Variants in ADRA1B observed in about 807,000 individuals in gnomAD.
The protein encoded by ADRA1B is adrenoceptor alpha 1B, also known as alpha-1B adrenergic receptor.
In ADRA1B, 17 loss-of-function variants were observed where a neutral mutation model predicts 17.9. The ratio of observed to expected loss-of-function variants is 0.95; its 90% CI spans 0.65 to 1.42. The LOEUF is 1.42. Among genes scored for constraint, ADRA1B ranks in the 40% most tolerant of loss-of-function variants. ADRA1B has a pLI of 0.00. For missense variants in ADRA1B, 681 were observed against 722.1 expected, an observed-to-expected ratio of 0.94 and a Z score of 0.65; for synonymous variants, 366 against 327.6, an observed-to-expected ratio of 1.12 and a Z score of -1.27.
chr5:159,968,871 T>C (rs571811698), intron 1 of ADRA1B, among the ~76,000 whole-genome samples: 121 of 152,336 alleles, frequency 7.9e-4, no homozygotes, highest in African/African-American at 2.8e-3. Context: ...TGAACCACCA[T>C]GTCTGGCCCT....
chr5:159,865,545 G>A (rs569714471), intron 1 of ADRA1B, among the ~76,000 whole-genome samples: 1 of 152,338 alleles, frequency 6.6e-6, no homozygotes, highest in African/African-American at 2.4e-5. Flanking sequence ...GTGCTTCACT[G>A]TAAATGGAGA....
chr5:159,916,954 T>C lies in ADRA1B; in HGVS notation c.49T>C (p.Trp17Arg), dbSNP rs766986072. 1.9e-6 allele frequency: 3 copies of C among 1,613,944 alleles called. No individual in the cohort carries two copies. Among genetic ancestry groups the C allele is most frequent in the South Asian group, 2.2e-5 (2 of 91,080 alleles). ...CCACAACACATCAGCACCTGCCCACTGGGGAGAGTTGAAAAATGCCAACTT... is the reference window on the plus strand; with the variant it reads ...CCACAACACATCAGCACCTGCCCACCGGGGAGAGTTGAAAAATGCCAACTT... Reference protein sequence around the residue: ...TGHNTSAPAHWGELKNANFTG... With the variant: ...TGHNTSAPAHRGELKNANFTG... The change falls in exon 1 of 2, where the codon TGG (tryptophan) becomes CGG (arginine). Residue 17 changes from tryptophan to arginine, a missense_variant. By Grantham distance (101) the Trp-to-Arg change is moderately radical. Coordinates refer to ENST00000306675, the MANE Select transcript of ADRA1B (RefSeq NM_000679.4).
chr5:159,881,180 CAAAA>C (rs35928792), intron 1 of ADRA1B, among the ~76,000 whole-genome samples: 1,417 of 56,692 alleles, frequency 0.025, 9 homozygotes, highest in African/African-American at 0.076. Context: ...GACTCCGTCT[CAAAA>C]AAAAAAAAAA....
At chr5:159,876,786 A>G (rs10045099) in intron 1 of ADRA1B, among the ~76,000 whole-genome samples, 13,419 of 152,194 alleles carry the variant, frequency 0.088, 692 homozygotes, top group African/African-American at 0.14. Context: ...TTGGTGCTAT[A>G]AGTAAAAAGT....
At chr5:159,883,773 A>G (rs765439048) in intron 1 of ADRA1B, among the ~76,000 whole-genome samples, 1 of 152,260 alleles carries the variant, frequency 6.6e-6, no homozygotes, top group Non-Finnish European at 1.5e-5. Flanking sequence ...TCAATGAACC[A>G]TAATTCACTT....
chr5:159,908,022 C>A (rs2113129979), intron 1 of ADRA1B, among the ~76,000 whole-genome samples: 1 of 152,094 alleles, frequency 6.6e-6, no homozygotes, highest in Admixed American at 6.5e-5. Context: ...AATTTTTGCC[C>A]TCCTTAAAGA....
chr5:159,899,319 G>C (rs1056768355), intron 1 of ADRA1B, among the ~76,000 whole-genome samples: 1 of 151,182 alleles, frequency 6.6e-6, no homozygotes. Flanking sequence ...AGGAAGGAAA[G>C]AAGGAAAGGC....
chr5:159,941,577 G>C (rs1755128239), intron 1 of ADRA1B, among the ~76,000 whole-genome samples: 1 of 152,194 alleles, frequency 6.6e-6, no homozygotes. Flanking sequence ...CTTGCACACA[G>C]ATGTTCACAG....
At chr5:159,963,311 C>CATATATATATATATATATATATTT (rs1755714243) in intron 1 of ADRA1B, among the ~76,000 whole-genome samples, 1 of 100,930 alleles carries the variant, frequency 9.9e-6, no homozygotes, top group Non-Finnish European at 2.2e-5. Context: ...TATATATATC[C>CATATATATATATATATATATATTT]ACACACATAA....
chr5:159,947,373 C>T (rs987734816), intron 1 of ADRA1B, among the ~76,000 whole-genome samples: 1 of 151,930 alleles, frequency 6.6e-6, no homozygotes, highest in Admixed American at 6.6e-5. Flanking sequence ...AAAACCATGG[C>T]TCAGAAAGGT....
In ADRA1B at chr5:159,972,526, G is replaced by T; in HGVS notation, c.*34G>T. 5.8e-6 allele frequency: 2 copies of T among 345,298 alleles called. No homozygotes were observed. Among genetic ancestry groups the T allele is most frequent in the South Asian group, 1.2e-4 (1 of 8,412 alleles). 21.4% of individuals were successfully genotyped at this position (345,298 alleles called of 1,614,324 possible). A position where few individuals can be genotyped will look rare whatever the true frequency, so the allele number is the denominator to read the frequency against. On this transcript the variant is annotated 3_prime_UTR_variant, in exon 2 of 2. Coordinates refer to ENST00000306675, the MANE Select transcript of ADRA1B (RefSeq NM_000679.4). Reference sequence around the variant, plus strand: ...TGCGCAGCTTTCTTTCCCTGGGGAGGAAAACATCGTGGGGGGGAGGGGAGG... The same window carrying T: ...TGCGCAGCTTTCTTTCCCTGGGGAGTAAAACATCGTGGGGGGGAGGGGAGG...
intron 1 of ADRA1B, among the ~76,000 whole-genome samples, chr5:159,866,360 G>C (rs1753652913): frequency 6.6e-6 from 1 of 150,608 alleles, no homozygotes; most frequent in South Asian, 2.1e-4. Context: ...GCCAAGGCTA[G>C]TGGATCACCT....
chr5:159,899,999 G>A (rs533379777), intron 1 of ADRA1B, among the ~76,000 whole-genome samples: 2 of 152,262 alleles, frequency 1.3e-5, no homozygotes, highest in East Asian at 3.9e-4. Context: ...ATTGATAAAG[G>A]TGATATTTCC....
Position 159,917,336 on chromosome 5 carries a change from A to G in ADRA1B, c.431A>G (p.Tyr144Cys). The G allele has an allele frequency of 6.2e-7, 1 of 1,614,000 alleles. No individual in the cohort carries two copies. Among genetic ancestry groups the G allele is most frequent in the Non-Finnish European group, 8.5e-7 (1 of 1,180,008 alleles). Reference sequence around the variant, plus strand: ...CTGTGCGCCATCTCCATCGATCGCTACATCGGGGTGCGCTACTCTCTGCAG... The same window carrying G: ...CTGTGCGCCATCTCCATCGATCGCTGCATCGGGGTGCGCTACTCTCTGCAG... Reference protein sequence around the residue: ...LSLCAISIDRYIGVRYSLQYP... With the variant: ...LSLCAISIDRCIGVRYSLQYP... Residue 144 changes from tyrosine (Y) to cysteine (C), a missense_variant, in exon 1 of 2, where the codon TAC becomes TGC. Tyr to Cys is a radical substitution (Grantham distance 194, BLOSUM62 -2). Transcript: ENST00000306675.
intron 1 of ADRA1B, among the ~76,000 whole-genome samples, chr5:159,938,664 A>G (rs546187812): frequency 6.3e-4 from 96 of 152,362 alleles, no homozygotes; most frequent in African/African-American, 2.3e-3. Flanking sequence ...CATTTAATAC[A>G]ATTGCTTAGG....
At position 159,972,011 on chromosome 5, in the gene ADRA1B, G is replaced by A. The variant is rs770336712; in HGVS notation, c.1082G>A (p.Arg361His). ...SSKEFKRAFV[R>H]ILGCQCRGRG... ...AAGGAGTTCAAGCGCGCTTTCGTGC[G>A]CATCCTCGGGTGCCAGTGCCGCGGC... is the stretch of plus-strand genomic sequence containing the variant. The change falls in exon 2 of 2, where the codon CGC becomes CAC. Residue 361 changes from arginine to histidine, a missense_variant. Coordinates refer to ENST00000306675, the MANE Select transcript of ADRA1B (RefSeq NM_000679.4). The A allele has an allele frequency of 8.9e-6, 13 of 1,465,968 alleles. No individual in the cohort carries two copies. The highest frequency in any genetic ancestry group is 1.2e-5 in the Non-Finnish European group (13 of 1,101,610). The allele number at this position is 1,465,968 out of a possible 1,614,324, so 90.8% of individuals were successfully genotyped here. A position where few individuals can be genotyped will look rare whatever the true frequency, so the allele number is the denominator to read the frequency against.
chr5:159,910,936 G>T (rs1229507456), intron 1 of ADRA1B, among the ~76,000 whole-genome samples: 1 of 152,044 alleles, frequency 6.6e-6, no homozygotes, highest in Non-Finnish European at 1.5e-5. Flanking sequence ...TTGTTTGTTT[G>T]TTTTTTGCCT....
chr5:159,988,787 G>T, the ADRA1B span, among the ~76,000 whole-genome samples: 2 of 152,078 alleles, frequency 1.3e-5, no homozygotes, highest in African/African-American at 4.8e-5. Context: ...GACCAGCCTG[G>T]ACAACATAGC....
chr5:159,978,875 C>T, the ADRA1B span, among the ~76,000 whole-genome samples: 16 of 152,332 alleles, frequency 1.1e-4, no homozygotes, highest in South Asian at 8.3e-4. Flanking sequence ...CAATCAAGCA[C>T]GGACACCCGT....
Sources: gnomAD v4.1 joint callset for allele counts (sites outside exome capture counted in the v4.1 genomes callset) on GRCh38, gnomAD v4.1.1 for gene constraint, MANE v1.5 for transcripts, NCBI Gene and HGNC (gene_info 2026-07-23, HGNC 2026-07-21) for gene names.